The following MICAL3 variants were observed in gnomAD, a reference collection of about 807,000 sequenced individuals.
MICAL3 encodes the protein microtubule associated monooxygenase, calponin and LIM domain containing 3, also known as [F-actin]-monooxygenase MICAL3.
In MICAL3, 62 loss-of-function variants were observed where a neutral mutation model predicts 207.4. The observed-to-expected ratio is 0.30, with a 90% CI of 0.24 to 0.37. The LOEUF (loss-of-function observed/expected upper bound fraction) is 0.37, where lower values mean the gene tolerates loss of function less well. MICAL3 is among the 10% of genes least tolerant of loss of function. MICAL3 has a pLI of 1.00. For synonymous variants in MICAL3, 1,077 were observed against 1,069.3 expected, an observed-to-expected ratio of 1.01 and a Z score of -0.14; for missense variants, 2,368 against 2,635.6, an observed-to-expected ratio of 0.90 and a Z score of 2.22.
At position 17,860,094 on chromosome 22, in the gene MICAL3, G is replaced by C. The variant is rs1016251968; in HGVS notation, c.2605+4805C>G. On this transcript the variant is annotated intron_variant, in intron 19 of 31. Coordinates refer to ENST00000441493, the MANE Select transcript of MICAL3 (RefSeq NM_015241.3). ...TCAAGCTCACTCCCAAGACCTGCCT[G>C]AGCCTCCCCCTTTCCCACCCTCTGG... The C allele has an allele frequency of 1.6e-5, 13 of 804,274 alleles. No homozygotes were observed. In the African/African-American group the frequency reaches 2.1e-4, roughly 13 times the overall value. 49.8% of individuals were successfully genotyped at this position (804,274 alleles called of 1,614,324 possible).
rs1046596286 is a variant in MICAL3, at chr22:17,923,440, T to A, written c.-74-16554A>T. On this transcript the variant is annotated intron_variant, in intron 1 of 31. Coordinates refer to ENST00000441493, the MANE Select transcript of MICAL3 (RefSeq NM_015241.3). ...CTACAGAAGACTTATTAATCTTTACTCAATTCAGCACCAATAAGATTAGCC... is the reference window on the plus strand; with the variant it reads ...CTACAGAAGACTTATTAATCTTTACACAATTCAGCACCAATAAGATTAGCC... 2.6e-5 allele frequency among the ~76,000 whole-genome samples: 4 copies of A among 152,166 alleles called. No homozygotes were observed. The East Asian group carries it at 7.7e-4, about 29-fold the overall frequency.
intron 19 of MICAL3, among the ~76,000 whole-genome samples, chr22:17,846,243 A>G (rs73384584): frequency 0.022 from 3,411 of 152,300 alleles, 51 homozygotes; most frequent in African/African-American, 0.047. Flanking sequence ...AGAGACAAGG[A>G]CACGGAAGCA....
At chr22:17,980,376 C>T (rs1203108650) in intron 1 of MICAL3, among the ~76,000 whole-genome samples, 1 of 152,132 alleles carries the variant, frequency 6.6e-6, no homozygotes, top group African/African-American at 2.4e-5. Flanking sequence ...TTCCCCATTC[C>T]GCAATCAGAA....
At chr22:17,938,575 C>T (rs1466837317) in intron 1 of MICAL3, among the ~76,000 whole-genome samples, 1 of 152,218 alleles carries the variant, frequency 6.6e-6, no homozygotes, top group African/African-American at 2.4e-5. Context: ...GACCACTGTG[C>T]TGCACTTTGA....
At chr22:18,013,135 C>A (rs76624872) in intron 1 of MICAL3, among the ~76,000 whole-genome samples, 2,090 of 152,298 alleles carry the variant, frequency 0.014, 51 homozygotes, top group African/African-American at 0.047. Context: ...CTGCTTCATG[C>A]AGTCAAGAAT....
intron 1 of MICAL3, among the ~76,000 whole-genome samples, chr22:17,991,298 G>A (rs1214873757): frequency 6.6e-6 from 1 of 152,230 alleles, no homozygotes; most frequent in Non-Finnish European, 1.5e-5. Flanking sequence ...GAAAGTGACA[G>A]GCAGTCATTC....
At position 17,967,486 on chromosome 22, in the gene MICAL3, A is replaced by ACACC. The variant is rs1556491356; in HGVS notation, c.-75+56794_-75+56795insGGTG. ...CAAACACACACACACACACACACAC[A>ACACC]CACACACCCACACACACCCACTCAT... On this transcript the variant is annotated intron_variant, in intron 1 of 31. Coordinates refer to ENST00000441493, the MANE Select transcript of MICAL3 (RefSeq NM_015241.3). Among the ~76,000 whole-genome samples, 326 of 145,696 alleles carry ACACC rather than the reference A, an allele frequency of 2.2e-3. 1 individual carries two copies. The highest frequency in any genetic ancestry group is 6.0e-3 in the Admixed American group (88 of 14,560).
Position 17,904,842 on chromosome 22 carries a change from GA to G in MICAL3, c.265-4del. On this transcript the variant is annotated splice_region_variant and splice_polypyrimidine_tract_variant and intron_variant, in intron 2 of 31. Transcript: ENST00000441493. ...GGGCCAGCCCCAATGATGAGACACT[GA>G]AAAACACAGCTGCTTTCAGGGCAGG... 1 of 1,608,864 alleles carries G rather than the reference GA, an allele frequency of 6.2e-7. No homozygotes were observed.
At chr22:17,880,201 G>T (rs924624724) in intron 16 of MICAL3, among the ~76,000 whole-genome samples, 1 of 152,134 alleles carries the variant, frequency 6.6e-6, no homozygotes, top group Non-Finnish European at 1.5e-5. Flanking sequence ...AGCCAGATTC[G>T]AGTCTGGCTG....
intron 29 of MICAL3, among the ~76,000 whole-genome samples, chr22:17,792,745 G>T (rs2061837024): frequency 6.6e-6 from 1 of 152,244 alleles, no homozygotes; most frequent in Non-Finnish European, 1.5e-5. Flanking sequence ...TCCCAAGGGG[G>T]TTCCTGCCCC....
intron 1 of MICAL3, among the ~76,000 whole-genome samples, chr22:17,965,487 A>T (rs1935106328): frequency 6.6e-6 from 1 of 152,218 alleles, no homozygotes; most frequent in Non-Finnish European, 1.5e-5. Flanking sequence ...GGACTGAAAT[A>T]ATGGTGCTGA....
At chr22:17,815,372 G>A (rs758336061) in intron 27 of MICAL3, 3 of 152,284 alleles carry the variant, frequency 2.0e-5, no homozygotes, top group Non-Finnish European at 4.4e-5. Context: ...GACACAATAG[G>A]TTGAATGTCC....
intron 1 of MICAL3, among the ~76,000 whole-genome samples, chr22:17,933,104 C>T (rs577800753): frequency 6.6e-6 from 1 of 152,294 alleles, no homozygotes; most frequent in South Asian, 2.1e-4. Context: ...CTGAACTCGG[C>T]TCTGCACCAA....
At chr22:17,926,716 C>T (rs968760246) in intron 1 of MICAL3, among the ~76,000 whole-genome samples, 1 of 152,218 alleles carries the variant, frequency 6.6e-6, no homozygotes, top group Admixed American at 6.5e-5. Flanking sequence ...GAGGCGTGGG[C>T]GTGCAGGCAA....
intron 1 of MICAL3, among the ~76,000 whole-genome samples, chr22:18,013,179 C>A (rs1923853691): frequency 6.6e-6 from 1 of 152,204 alleles, no homozygotes; most frequent in Non-Finnish European, 1.5e-5. Flanking sequence ...CCTCCCTATT[C>A]TTGAGATCTC....
chr22:17,951,092 G>C (rs1934326376), intron 1 of MICAL3, among the ~76,000 whole-genome samples: 1 of 152,174 alleles, frequency 6.6e-6, no homozygotes, highest in Non-Finnish European at 1.5e-5. Flanking sequence ...TGGCTTCCTG[G>C]CTGGGCCACT....
intron 1 of MICAL3, among the ~76,000 whole-genome samples, chr22:17,997,981 A>G (rs1196067330): frequency 6.6e-6 from 1 of 151,816 alleles, no homozygotes; most frequent in African/African-American, 2.4e-5. Context: ...TTTTCCCCCT[A>G]AAGGTCTCAG....
At chr22:17,826,451 T>A (rs926154686) in intron 22 of MICAL3, 2 of 985,632 alleles carry the variant, frequency 2.0e-6, no homozygotes, top group African/African-American at 1.7e-5. Context: ...ATCACCAGAC[T>A]ACCTCCGGAG....
At chr22:17,832,332 T>C (rs73384526) in intron 20 of MICAL3, among the ~76,000 whole-genome samples, 7,354 of 152,262 alleles carry the variant, frequency 0.048, 584 homozygotes, top group African/African-American at 0.17. Context: ...GAATGCCTCC[T>C]GCTCACAGAC....
Sources: allele counts gnomAD v4.1 joint callset (sites outside exome capture counted in the v4.1 genomes callset), GRCh38; gene constraint gnomAD v4.1.1; transcripts MANE v1.5; gene names NCBI Gene and HGNC (gene_info 2026-07-23, HGNC 2026-07-21).